CNTNAP2: variants seen among roughly 807,000 people sequenced by gnomAD.
CNTNAP2 encodes contactin associated protein 2.
Under a neutral mutation model 155.2 loss-of-function variants are expected in CNTNAP2, and 98 were observed. That is an observed-to-expected ratio of 0.63 (90% CI 0.54 to 0.75). The LOEUF is 0.75. CNTNAP2 is among the 30% of genes least tolerant of loss of function. The probability of loss-of-function intolerance (pLI) is 0.00; values close to 1 mark genes in which losing one functional copy is unlikely to be tolerated. For missense variants in CNTNAP2, 1,727 were observed against 1,688.1 expected (o/e 1.02, Z -0.40); for synonymous variants, 651 against 631.2 (o/e 1.03, Z -0.47).
In CNTNAP2 at chr7:147,931,293, A is replaced by G. The variant is rs566208974; in HGVS notation, c.2255+27572A>G. On this transcript the variant is annotated intron_variant, in intron 14 of 23. Coordinates refer to ENST00000361727, the MANE Select transcript of CNTNAP2 (RefSeq NM_014141.6). ...CTAAAAAAAAAAGAGAAAAAAACTC[A>G]AATAAATAAAATAAAAAATGGAAAA... is the stretch of plus-strand genomic sequence containing the variant. Among the ~76,000 whole-genome samples, 81 of 151,858 alleles carry G rather than the reference A, an allele frequency of 5.3e-4. 3 individuals carry two copies. Among genetic ancestry groups the G allele is most frequent in the African/African-American group, 1.9e-3 (77 of 41,412 alleles).
At chr7:146,374,548 G>T (rs974681992) in intron 1 of CNTNAP2, among the ~76,000 whole-genome samples, 3 of 152,178 alleles carry the variant, frequency 2.0e-5, no homozygotes, top group African/African-American at 7.2e-5. Flanking sequence ...TTAGTAGGAG[G>T]CCTTTGATGT....
At chr7:147,180,524 C>T (rs1251087637) in intron 8 of CNTNAP2, among the ~76,000 whole-genome samples, 1 of 151,840 alleles carries the variant, frequency 6.6e-6, no homozygotes, top group East Asian at 1.9e-4. Context: ...ATAGAAGAAA[C>T]AAGCCATCAC....
At chr7:148,319,602 C>A (rs1159788647) in intron 21 of CNTNAP2, among the ~76,000 whole-genome samples, 1 of 151,876 alleles carries the variant, frequency 6.6e-6, no homozygotes, top group Non-Finnish European at 1.5e-5. Context: ...CCCCATGGCT[C>A]GCATTACCAC....
chr7:147,386,918 A>C (rs920431644), intron 9 of CNTNAP2, among the ~76,000 whole-genome samples: 6 of 152,224 alleles, frequency 3.9e-5, no homozygotes, highest in Admixed American at 6.5e-5. Context: ...TTACAGTTCC[A>C]TGTGGCTAGG....
intron 14 of CNTNAP2, among the ~76,000 whole-genome samples, chr7:147,942,492 T>C (rs1031897575): frequency 1.3e-5 from 2 of 152,222 alleles, no homozygotes; most frequent in Admixed American, 6.5e-5. Flanking sequence ...GATTTTTTAA[T>C]ATTCGTAGGA....
rs759279243 is a variant in CNTNAP2 at position 147,300,302 on chromosome 7, A to G, written c.1498+12A>G. On this transcript the variant is annotated intron_variant, in intron 9 of 23. Transcript: ENST00000361727. The stretch of plus-strand genomic sequence containing the variant: ...GTACTTTTTTGGAGGTAAGAATGCC[A>G]TTCCTTTTTGGTTACTAATCCATTG... 7 of 1,613,600 alleles carry G rather than the reference A, an allele frequency of 4.3e-6. No individual in the cohort carries two copies. The South Asian group carries it at 4.4e-5, about 10-fold the overall frequency.
At chr7:146,620,608 CTTT>C (rs1274491031) in intron 1 of CNTNAP2, among the ~76,000 whole-genome samples, 1 of 151,994 alleles carries the variant, frequency 6.6e-6, no homozygotes, top group African/African-American at 2.4e-5. Context: ...CACCTTTAGC[CTTT>C]TTTAAGTCCT....
intron 21 of CNTNAP2, among the ~76,000 whole-genome samples, chr7:148,356,908 C>CAAAA (rs367827199): frequency 1.4e-5 from 2 of 140,924 alleles, no homozygotes; most frequent in East Asian, 4.1e-4. Context: ...AACAAAAAAA[C>CAAAA]AAAAAAAAAA....
At chr7:147,585,376 T>TTA (rs1245537977) in intron 12 of CNTNAP2, among the ~76,000 whole-genome samples, 1 of 150,384 alleles carries the variant, frequency 6.6e-6, no homozygotes, top group African/African-American at 2.4e-5. Flanking sequence ...AACTGGTGAG[T>TTA]TATATATATA....
chr7:148,098,006 T>C (rs991972724), intron 15 of CNTNAP2, among the ~76,000 whole-genome samples: 6 of 152,268 alleles, frequency 3.9e-5, no homozygotes, highest in Admixed American at 6.5e-5. Flanking sequence ...GATGACTAGA[T>C]TGAATTTACC....
chr7:147,340,270 G>A (rs1028844111), intron 9 of CNTNAP2, among the ~76,000 whole-genome samples: 5 of 152,038 alleles, frequency 3.3e-5, no homozygotes, highest in African/African-American at 1.2e-4. Context: ...CATGCAACAA[G>A]GTTGTTCTCT....
intron 14 of CNTNAP2, among the ~76,000 whole-genome samples, chr7:147,911,823 G>A (rs1800071806): frequency 6.6e-6 from 1 of 151,922 alleles, no homozygotes; most frequent in African/African-American, 2.4e-5. Flanking sequence ...CCATTGTGTG[G>A]GTAGAATACA....
intron 17 of CNTNAP2, among the ~76,000 whole-genome samples, chr7:148,153,068 C>G (rs528939914): frequency 2.6e-3 from 350 of 134,512 alleles, no homozygotes; most frequent in African/African-American, 9.6e-3. Context: ...AAACCAAATA[C>G]CTCCCATGGT....
intron 10 of CNTNAP2, among the ~76,000 whole-genome samples, chr7:147,400,146 A>G (rs1287990811): frequency 6.6e-6 from 1 of 152,070 alleles, no homozygotes; most frequent in African/African-American, 2.4e-5. Flanking sequence ...TGAGAGCCCA[A>G]ACCTTCAGAA....
intron 15 of CNTNAP2, among the ~76,000 whole-genome samples, chr7:148,052,916 G>A (rs763902833): frequency 1.8e-4 from 27 of 152,008 alleles, no homozygotes; most frequent in Non-Finnish European, 3.4e-4. Flanking sequence ...GCATAGTGGC[G>A]CACGCCTGTA....
At chr7:146,320,417 A>G (rs1024564959) in intron 1 of CNTNAP2, among the ~76,000 whole-genome samples, 1 of 152,144 alleles carries the variant, frequency 6.6e-6, no homozygotes, top group Non-Finnish European at 1.5e-5. Flanking sequence ...AGTTACGTAA[A>G]TTCATTATTA....
chr7:146,663,557 T>A (rs1206628259), intron 1 of CNTNAP2, among the ~76,000 whole-genome samples: 1 of 152,124 alleles, frequency 6.6e-6, no homozygotes, highest in Non-Finnish European at 1.5e-5. Flanking sequence ...TTTAAATTTA[T>A]CTCTTTTATG....
chr7:147,438,919 T>G (rs1056566602), intron 10 of CNTNAP2, among the ~76,000 whole-genome samples: 7 of 152,076 alleles, frequency 4.6e-5, no homozygotes, highest in Admixed American at 2.6e-4. Flanking sequence ...TTTGAATTTC[T>G]GTGGTATTAG....
chr7:146,734,728 C>T (rs998348718), intron 1 of CNTNAP2, among the ~76,000 whole-genome samples: 1 of 152,148 alleles, frequency 6.6e-6, no homozygotes, highest in African/African-American at 2.4e-5. Context: ...TGTACTTGAA[C>T]AAATGAATTT....
Sources: gnomAD v4.1 joint callset for allele counts (sites outside exome capture counted in the v4.1 genomes callset) on GRCh38, gnomAD v4.1.1 for gene constraint, MANE v1.5 for transcripts, NCBI Gene and HGNC (gene_info 2026-07-23, HGNC 2026-07-21) for gene names.